UPB1: variants seen among roughly 807,000 people sequenced by gnomAD.
The protein encoded by UPB1 is beta-ureidopropionase 1.
Under a neutral mutation model 49.1 loss-of-function variants are expected in UPB1, and 40 were observed. That is an observed-to-expected ratio of 0.81 (90% CI 0.63 to 1.06). The LOEUF (loss-of-function observed/expected upper bound fraction) is 1.06. Ranked by LOEUF, UPB1 falls within the 50% of genes least tolerant of loss-of-function variation. The pLI is 0.00. For synonymous variants in UPB1, 207 were observed against 198.2 expected, an observed-to-expected ratio of 1.04 and a Z score of -0.38; for missense variants, 499 against 505.9, an observed-to-expected ratio of 0.99 and a Z score of 0.13.
rs1234414949 is a variant in UPB1, at chr22:24,502,633, T to C, written c.364+420T>C. 4.4e-6 allele frequency: 3 copies of C among 678,116 alleles called. No individual in the cohort carries two copies. In the Admixed American group the frequency reaches 7.0e-5, roughly 16 times the overall value. 42.0% of individuals were successfully genotyped at this position (678,116 alleles called of 1,614,324 possible). A position where few individuals can be genotyped will look rare whatever the true frequency, so the allele number is the denominator to read the frequency against. On this transcript the variant is annotated intron_variant, in intron 3 of 9. Transcript: ENST00000326010. The stretch of plus-strand genomic sequence containing the variant: ...TGTGGTTTTTATTTTTATCAGAGTT[T>C]TACATGCTCATGGTTTAGAGTCAGA...
chr22:24,522,019 GGAAA>G lies in UPB1; in HGVS notation c.913_916del (p.Lys305LeufsTer33). 2 of 1,614,032 alleles carry G rather than the reference GGAAA, an allele frequency of 1.2e-6. No individual in the cohort carries two copies. The highest frequency in any genetic ancestry group is 1.7e-6 in the Non-Finnish European group (2 of 1,179,996). ...CCCGAACGAGTTTACCTCGGGAGAT[GGAAA>G]GAAAGGTATGTCCCATGAACCATGG... On this transcript the variant is annotated frameshift_variant, in exon 8 of 10. Coordinates refer to ENST00000326010, the MANE Select transcript of UPB1 (RefSeq NM_016327.3). LOFTEE classifies it high-confidence loss of function.
chr22:24,523,501 C>A (rs1340060312), intron 8 of UPB1, 118 bp from the exon 9 acceptor site: 26 of 1,466,172 alleles, frequency 1.8e-5, no homozygotes, highest in Non-Finnish European at 2.0e-5. Context: ...ATTTGGCAGA[C>A]ACTGGGGAGG....
At chr22:24,522,179 C>T in intron 8 of UPB1, 151 bp downstream of exon 8, 2 of 956,552 alleles carry the variant, frequency 2.1e-6, no homozygotes, top group East Asian at 2.7e-5. Context: ...TGCTTTATTG[C>T]CTGCAGTGTG....
intron 1 of UPB1, among the ~76,000 whole-genome samples, chr22:24,499,002 T>C (rs1199614869): frequency 1.3e-5 from 2 of 152,220 alleles, no homozygotes; most frequent in Non-Finnish European, 2.9e-5. Context: ...GAGGACTGTC[T>C]AAGGCAGTCA....
intron 2 of UPB1, among the ~76,000 whole-genome samples, chr22:24,500,958 G>A (rs1298985789): frequency 1.3e-5 from 2 of 152,164 alleles, no homozygotes; most frequent in Admixed American, 6.5e-5. Context: ...GAAACCTAAG[G>A]CCTCTTGGAT....
chr22:24,513,268 A>G (rs1418475691), intron 4 of UPB1, 56 bp from the exon 5 acceptor site: 1 of 1,613,314 alleles, frequency 6.2e-7, no homozygotes, highest in East Asian at 2.2e-5. Flanking sequence ...TCTTTGATAA[A>G]AAACTACAAC....
At chr22:24,497,893 G>A (rs578067912) in intron 1 of UPB1, among the ~76,000 whole-genome samples, 6 of 152,308 alleles carry the variant, frequency 3.9e-5, no homozygotes, top group South Asian at 2.1e-4. Context: ...CTTTGGGAAC[G>A]TCCTAGTGAA....
At chr22:24,512,449 G>A (rs1377344231) in intron 4 of UPB1, among the ~76,000 whole-genome samples, 2 of 152,178 alleles carry the variant, frequency 1.3e-5, no homozygotes, top group East Asian at 3.8e-4. Context: ...AGGGACTGAT[G>A]TTCTTACTTG....
intron 1 of UPB1, among the ~76,000 whole-genome samples, chr22:24,496,102 C>G (rs1444337746): frequency 2.0e-5 from 3 of 152,142 alleles, no homozygotes; most frequent in African/African-American, 7.2e-5. Flanking sequence ...CCTGGCCGGG[C>G]TCACACCTGT....
At chr22:24,525,589 A>T in intron 9 of UPB1, 122 bp from the exon 10 acceptor site, 1 of 1,149,520 alleles carries the variant, frequency 8.7e-7, no homozygotes, top group Non-Finnish European at 1.3e-6. Flanking sequence ...GTCACTGTCA[A>T]CGAGCCTTCC....
intron 1 of UPB1, among the ~76,000 whole-genome samples, chr22:24,496,893 G>A (rs1359221140): frequency 6.6e-6 from 1 of 152,210 alleles, no homozygotes; most frequent in Non-Finnish European, 1.5e-5. Flanking sequence ...TGATAAGGCT[G>A]TTGGCAGTTC....
intron 8 of UPB1, 102 bp from the exon 9 acceptor site, chr22:24,523,517 A>G: frequency 1.3e-6 from 2 of 1,546,088 alleles, no homozygotes; most frequent in Non-Finnish European, 1.8e-6. Flanking sequence ...GGAGGATGGC[A>G]TGGACTCCGT....
rs551753139 is a variant in UPB1, at chr22:24,495,848, TCCAA to T, written c.104+345_104+348del. The stretch of plus-strand genomic sequence containing the variant: ...CTGGATGTCTGGCTGGATCACTGTC[TCCAA>T]CCAGAGCACCCAGCAGGTGTACTGA... On this transcript the variant is annotated intron_variant, in intron 1 of 9. Coordinates refer to ENST00000326010, the MANE Select transcript of UPB1 (RefSeq NM_016327.3). Among the ~76,000 whole-genome samples the T allele has an allele frequency of 1.9e-3, 291 of 152,232 alleles. 1 individual carries two copies. Among genetic ancestry groups the T allele is most frequent in the African/African-American group, 6.8e-3 (281 of 41,536 alleles).
chr22:24,508,714 C>T (rs2044137148), intron 3 of UPB1, among the ~76,000 whole-genome samples: 1 of 151,838 alleles, frequency 6.6e-6, no homozygotes, highest in Non-Finnish European at 1.5e-5. Context: ...CCCATCTCTA[C>T]TAAAAATACA....
At chr22:24,524,946 A>G (rs2044457226) in intron 9 of UPB1, among the ~76,000 whole-genome samples, 3 of 152,102 alleles carry the variant, frequency 2.0e-5, no homozygotes, top group African/African-American at 7.2e-5. Flanking sequence ...TCAGTCTCGG[A>G]TCCTTGTCAG....
At chr22:24,505,320 TG>T (rs35350082) in intron 3 of UPB1, among the ~76,000 whole-genome samples, 2 of 152,226 alleles carry the variant, frequency 1.3e-5, no homozygotes. Flanking sequence ...TTTTAAGAAT[TG>T]GGGATTAAAA....
Position 24,523,718 on chromosome 22 carries a change from T to C in UPB1, c.1016T>C (p.Val339Ala), listed in dbSNP as rs757050859. 3.1e-6 allele frequency: 5 copies of C among 1,614,264 alleles called. No individual in the cohort carries two copies. Among genetic ancestry groups the C allele is most frequent in the Non-Finnish European group, 4.2e-6 (5 of 1,180,056 alleles). The change falls in exon 9 of 10, where the codon GTT becomes GCT. Residue 339 changes from valine to alanine, a missense_variant. Val to Ala is a moderately conservative substitution (Grantham distance 64, BLOSUM62 0). Transcript: ENST00000326010. ...TCCCGTAGCCGGGATGGACTGCTAG[T>C]TGCTAAGCTCGACCTAAACCTCTGC... ...GLSRSRDGLLVAKLDLNLCQQ... is the reference protein window; with the variant it reads ...GLSRSRDGLLAAKLDLNLCQQ...
intron 3 of UPB1, among the ~76,000 whole-genome samples, chr22:24,504,285 A>G (rs2044045623): frequency 6.6e-6 from 1 of 152,202 alleles, no homozygotes; most frequent in Non-Finnish European, 1.5e-5. Flanking sequence ...GCCCATCTGA[A>G]AATATGTTCC....
chr22:24,514,134 T>G (rs2044253475), intron 5 of UPB1, among the ~76,000 whole-genome samples: 1 of 152,140 alleles, frequency 6.6e-6, no homozygotes, highest in Non-Finnish European at 1.5e-5. Context: ...CCTAAGATGT[T>G]AAATCTGAAC....
Sources: allele counts gnomAD v4.1 joint callset (sites outside exome capture counted in the v4.1 genomes callset), GRCh38; gene constraint gnomAD v4.1.1; transcripts MANE v1.5; gene names NCBI Gene and HGNC (gene_info 2026-07-23, HGNC 2026-07-21).